The following CNTN6 variants were observed in gnomAD, a reference collection of about 807,000 sequenced individuals.
CNTN6 encodes the protein contactin 6.
CNTN6 carries 137 observed loss-of-function variants against 122.8 expected under a neutral mutation model. The observed-to-expected ratio is 1.12, with a 90% CI of 0.97 to 1.29. CNTN6 has a LOEUF of 1.29. CNTN6 is among the 50% of genes most tolerant of loss of function. The pLI, the probability that CNTN6 is intolerant of heterozygous loss-of-function variation, is 0.00. For synonymous variants in CNTN6, 570 were observed against 426.0 expected (o/e 1.34, Z -4.16); for missense variants, 1,634 against 1,223.4 (o/e 1.34, Z -5.01).
intron 2 of CNTN6, among the ~76,000 whole-genome samples, chr3:1,157,160 T>G (rs1255642197): frequency 2.0e-5 from 3 of 151,730 alleles, no homozygotes; most frequent in African/African-American, 7.3e-5. Flanking sequence ...TAAGCATTTA[T>G]CCTTTGTGTC....
At chr3:1,328,483 TTTGA>T (rs1197375725) in intron 10 of CNTN6, among the ~76,000 whole-genome samples, 8 of 151,776 alleles carry the variant, frequency 5.3e-5, no homozygotes, top group Non-Finnish European at 1.0e-4. Context: ...ATCGCTACTG[TTTGA>T]TTGAACATTT....
intron 2 of CNTN6, among the ~76,000 whole-genome samples, chr3:1,152,444 A>G (rs2092867200): frequency 6.6e-6 from 1 of 152,054 alleles, no homozygotes; most frequent in Admixed American, 6.6e-5. Context: ...CGGTCCAGAA[A>G]TATTTTATTT....
At chr3:1,104,172 A>AG (rs1201683587) in intron 1 of CNTN6, among the ~76,000 whole-genome samples, 7 of 152,040 alleles carry the variant, frequency 4.6e-5, no homozygotes, top group African/African-American at 1.7e-4. Flanking sequence ...ACCAGGTGGA[A>AG]AGGGGGGCTA....
chr3:1,220,569 G>T, intron 2 of CNTN6, 118 bp from the exon 3 acceptor site: 1 of 926,702 alleles, frequency 1.1e-6, no homozygotes, highest in Non-Finnish European at 1.5e-6. Flanking sequence ...TTGTGAATTT[G>T]AGATTGTTTT....
At chr3:1,186,527 A>G (rs1275846024) in intron 2 of CNTN6, among the ~76,000 whole-genome samples, 3 of 152,220 alleles carry the variant, frequency 2.0e-5, no homozygotes, top group African/African-American at 4.8e-5. Context: ...AAGTTATTTC[A>G]CTACTCTGCA....
At chr3:1,277,142 A>G (rs1207667074) in intron 4 of CNTN6, among the ~76,000 whole-genome samples, 1 of 152,186 alleles carries the variant, frequency 6.6e-6, no homozygotes, top group African/African-American at 2.4e-5. Context: ...GGGAGAAGGA[A>G]GAATAGATCT....
chr3:1,361,201 A>G (rs914695809), intron 12 of CNTN6, among the ~76,000 whole-genome samples: 1 of 152,092 alleles, frequency 6.6e-6, no homozygotes, highest in Non-Finnish European at 1.5e-5. Context: ...CTAAACCCAC[A>G]CCTTGACACA....
intron 5 of CNTN6, among the ~76,000 whole-genome samples, chr3:1,291,948 T>A (rs1695398621): frequency 6.6e-6 from 1 of 152,068 alleles, no homozygotes; most frequent in Non-Finnish European, 1.5e-5. Flanking sequence ...AAGTATAGAC[T>A]CTTAGGGAGA....
chr3:1,220,309 T>C (rs1338643703), intron 2 of CNTN6, among the ~76,000 whole-genome samples: 1 of 152,088 alleles, frequency 6.6e-6, no homozygotes, highest in Non-Finnish European at 1.5e-5. Flanking sequence ...GCACTCCAGC[T>C]TGGGTGACAG....
At position 1,149,108 on chromosome 3, in the gene CNTN6, A is replaced by T. The variant is rs1278882851; in HGVS notation, c.55+1045A>T. Among the ~76,000 whole-genome samples the T allele has an allele frequency of 3.9e-5, 6 of 152,314 alleles. No homozygotes were observed. In the South Asian group the frequency reaches 6.2e-4, roughly 16 times the overall value. On this transcript the variant is annotated intron_variant, in intron 2 of 22. Transcript: ENST00000446702. ...TAGAAAAGCTGCAAAATTATACCAT[A>T]AAAAGGCCATAGAAATAATAAAGGC... is the stretch of plus-strand genomic sequence containing the variant.
intron 1 of CNTN6, among the ~76,000 whole-genome samples, chr3:1,121,507 TTAAG>T (rs1312662873): frequency 2.0e-5 from 3 of 151,980 alleles, no homozygotes; most frequent in African/African-American, 7.2e-5. Context: ...TAACAGAACT[TTAAG>T]TAAGAGTTAA....
intron 7 of CNTN6, among the ~76,000 whole-genome samples, chr3:1,300,492 G>GAAGGAAGA (rs1697057139): frequency 1.0e-5 from 1 of 99,370 alleles, no homozygotes; most frequent in Non-Finnish European, 1.8e-5. Context: ...AGGAAGGAAG[G>GAAGGAAGA]AAAAAGAAAA....
intron 4 of CNTN6, among the ~76,000 whole-genome samples, chr3:1,233,218 T>C (rs2094375058): frequency 6.6e-6 from 1 of 152,156 alleles, no homozygotes; most frequent in Admixed American, 6.5e-5. Flanking sequence ...TATGGTTAAA[T>C]GCCAGTATTG....
chr3:1,165,842 ACT>A (rs966757940), intron 2 of CNTN6, among the ~76,000 whole-genome samples: 2 of 152,056 alleles, frequency 1.3e-5, no homozygotes, highest in African/African-American at 2.4e-5. Flanking sequence ...GCACTCTCAA[ACT>A]CTCTGTGCCA....
intron 1 of CNTN6, among the ~76,000 whole-genome samples, chr3:1,130,758 A>T (rs982681443): frequency 3.9e-5 from 6 of 152,152 alleles, no homozygotes; most frequent in African/African-American, 1.4e-4. Context: ...ATCAATTGAC[A>T]TGTATGAAAA....
chr3:1,385,725 TCCGTAAGAGCTTA>T lies in CNTN6; in HGVS notation c.2634_2646del (p.Val879ThrfsTer32). On this transcript the variant is annotated frameshift_variant, in exon 20 of 23. Transcript: ENST00000446702. LOFTEE classifies it high-confidence loss of function. ...GAAAGCTAATACCATCTACTTTGCTTCCGTAAGAGCTTACAACACTGCTGGGACAGGGCCCTCA... is the reference window on the plus strand; with the variant it reads ...GAAAGCTAATACCATCTACTTTGCTTCAACACTGCTGGGACAGGGCCCTCA... 6.2e-7 allele frequency: 1 copy of T among 1,614,104 alleles called. No individual in the cohort carries two copies. The highest frequency in any genetic ancestry group is 1.1e-5 in the South Asian group (1 of 91,078).
At chr3:1,400,392 T>G (rs565120227) in intron 20 of CNTN6, among the ~76,000 whole-genome samples, 1 of 152,230 alleles carries the variant, frequency 6.6e-6, no homozygotes, top group East Asian at 1.9e-4. Flanking sequence ...TCTCGTTTTC[T>G]TGTATGTAAA....
chr3:1,280,345 T>C (rs1034179464), intron 5 of CNTN6, among the ~76,000 whole-genome samples: 3 of 151,910 alleles, frequency 2.0e-5, no homozygotes, highest in African/African-American at 7.2e-5. Context: ...ACAGCGCCCG[T>C]GGGGTCGATG....
At chr3:1,389,846 A>G (rs1388115420) in intron 20 of CNTN6, among the ~76,000 whole-genome samples, 3 of 151,784 alleles carry the variant, frequency 2.0e-5, no homozygotes, top group East Asian at 1.9e-4. Context: ...GATCAATTCA[A>G]CAAGAAGAGC....
Sources: gnomAD v4.1 joint callset for allele counts (sites outside exome capture counted in the v4.1 genomes callset) on GRCh38, gnomAD v4.1.1 for gene constraint, MANE v1.5 for transcripts, NCBI Gene and HGNC (gene_info 2026-07-23, HGNC 2026-07-21) for gene names.